The following GRAMD4 variants were observed in gnomAD, a reference collection of about 807,000 sequenced individuals.
GRAMD4 encodes GRAM domain containing 4.
In GRAMD4, 25 loss-of-function variants were observed where a neutral mutation model predicts 83.9. The observed-to-expected ratio is 0.30, with a 90% CI of 0.22 to 0.42. The LOEUF (loss-of-function observed/expected upper bound fraction) is 0.42. Among genes scored for constraint, GRAMD4 ranks in the 10% least tolerant of loss-of-function variants. The probability of loss-of-function intolerance (pLI) is 1.00; values close to 1 mark genes in which losing one functional copy is unlikely to be tolerated. For missense variants in GRAMD4, 593 were observed against 788.7 expected, an observed-to-expected ratio of 0.75 and a Z score of 2.97; for synonymous variants, 336 against 320.9, an observed-to-expected ratio of 1.05 and a Z score of -0.50.
chr22:46,669,456 C>G (rs1296469117), intron 13 of GRAMD4, among the ~76,000 whole-genome samples: 1 of 152,160 alleles, frequency 6.6e-6, no homozygotes, highest in Non-Finnish European at 1.5e-5. Flanking sequence ...CCCCCTCACC[C>G]CAGGAGGCGC....
intron 2 of GRAMD4, among the ~76,000 whole-genome samples, chr22:46,633,050 G>A (rs2081799951): frequency 6.6e-6 from 1 of 152,224 alleles, no homozygotes; most frequent in Admixed American, 6.5e-5. Flanking sequence ...GGCAGAGGCA[G>A]ATGGGAGCCT....
chr22:46,594,317 C>T (rs1317512744), intron 1 of GRAMD4, among the ~76,000 whole-genome samples: 1 of 150,472 alleles, frequency 6.6e-6, no homozygotes, highest in Admixed American at 6.6e-5. Context: ...CCCCTCCTCC[C>T]TGCCCCTGTT....
intron 1 of GRAMD4, among the ~76,000 whole-genome samples, chr22:46,591,325 C>T (rs917008945): frequency 5.9e-5 from 9 of 151,800 alleles, no homozygotes; most frequent in Non-Finnish European, 1.2e-4. Context: ...TGAGAACGGC[C>T]TGGGCAACAT....
Position 46,679,696 on chromosome 22 carries a change from A to G in GRAMD4, c.*2445A>G. On this transcript the variant is annotated 3_prime_UTR_variant, in exon 19 of 19. Transcript: ENST00000406902. ...CCGATGAAAAAAATTCTCCTGTAAC[A>G]TTTTTTTAAGAAAACTTTGTTTGTT... 3 of 977,990 alleles carry G rather than the reference A, an allele frequency of 3.1e-6. No homozygotes were observed. The highest frequency in any genetic ancestry group is 3.6e-6 in the Non-Finnish European group (3 of 822,932). The allele number at this position is 977,990 out of a possible 1,614,324, so 60.6% of individuals were successfully genotyped here.
rs776966965 is a variant in GRAMD4 at position 46,668,712 on chromosome 22, C to T, written c.954C>T (p.Asp318=). 7.4e-6 allele frequency: 12 copies of T among 1,612,636 alleles called. No individual in the cohort carries two copies. The South Asian group carries it at 1.3e-4, about 18-fold the overall frequency. The change falls in exon 12 of 19, where the codon GAC becomes GAT. Residue 318 remains aspartate (D), a synonymous_variant. Transcript: ENST00000406902. Reference sequence around the variant, plus strand: ...AGAACCTTTTCGGGAAGATGGCTGACATCCTGGAGAAGATCAAGAAGTAAG... The same window carrying T: ...AGAACCTTTTCGGGAAGATGGCTGATATCCTGGAGAAGATCAAGAAGTAAG... ...KAQNLFGKMA[D]ILEKIKNLFM... is the part of the protein sequence containing the mutation.
intron 1 of GRAMD4, among the ~76,000 whole-genome samples, chr22:46,582,760 C>A (rs551295522): frequency 6.6e-6 from 1 of 152,186 alleles, no homozygotes; most frequent in African/African-American, 2.4e-5. Flanking sequence ...GTAATTCACA[C>A]ATCATACAAC....
At chr22:46,624,920 G>C (rs1044485204) in intron 1 of GRAMD4, among the ~76,000 whole-genome samples, 5 of 150,406 alleles carry the variant, frequency 3.3e-5, no homozygotes, top group Non-Finnish European at 7.4e-5. Flanking sequence ...GAGTGCAGTG[G>C]CGGGATCTCA....
chr22:46,603,515 C>CTTTTTTTTTTTTTTT (rs71192425), intron 1 of GRAMD4, among the ~76,000 whole-genome samples: 1 of 81,590 alleles, frequency 1.2e-5, no homozygotes, highest in African/African-American at 4.4e-5. Context: ...GGCCTCTTCT[C>CTTTTTTTTTTTTTTT]TTTTTTTTTT....
rs568417599 is a variant in GRAMD4 at position 46,625,461 on chromosome 22, C to T, written c.-49-1290C>T. Among the ~76,000 whole-genome samples the T allele has an allele frequency of 3.9e-5, 6 of 152,382 alleles. No individual in the cohort carries two copies. The South Asian group carries it at 8.3e-4, about 21-fold the overall frequency. ...GCAGGAAGTTTGGGAAATACCCCCG[C>T]CAGGGATCACTCCCCGCCCCATCTC... On this transcript the variant is annotated intron_variant, in intron 1 of 18. Coordinates refer to ENST00000406902, the MANE Select transcript of GRAMD4 (RefSeq NM_015124.5).
upstream of GRAMD4, among the ~76,000 whole-genome samples, chr22:46,618,215 C>A (rs1468949032): frequency 6.6e-6 from 1 of 152,164 alleles, no homozygotes; most frequent in Non-Finnish European, 1.5e-5. This position sits in a 1 kb window ranked among gnomAD's most constrained non-coding sequence, Gnocchi z 5.8. Context: ...TCGAGTCCAC[C>A]TGAGCATCAC....
chr22:46,590,416 G>A (rs1190888000), intron 1 of GRAMD4, among the ~76,000 whole-genome samples: 2 of 152,212 alleles, frequency 1.3e-5, no homozygotes, highest in Non-Finnish European at 2.9e-5. Context: ...GCCGGGGATG[G>A]GTGAGCGCTC....
In GRAMD4 at chr22:46,587,953, A is replaced by G. The variant is rs572651014; in HGVS notation, c.-50+10663A>G. The stretch of plus-strand genomic sequence containing the variant: ...ACGCACTCACATCACAGGTTGGCAA[A>G]AGGCCTGAGGGTCCAGGGGGCCAGG... On this transcript the variant is annotated intron_variant, in intron 1 of 1. Coordinates refer to the GRAMD4 transcript ENST00000431155. 7 of 985,304 alleles carry G rather than the reference A, an allele frequency of 7.1e-6. No individual in the cohort carries two copies. The South Asian group carries it at 3.3e-4, about 46-fold the overall frequency. The allele number at this position is 985,304 out of a possible 1,614,324, so 61.0% of individuals were successfully genotyped here. A position where few individuals can be genotyped will look rare whatever the true frequency, so the allele number is the denominator to read the frequency against.
chr22:46,644,567 G>A lies in GRAMD4; in HGVS notation c.283+6607G>A, dbSNP rs557422069. On this transcript the variant is annotated intron_variant, in intron 3 of 18. Coordinates refer to ENST00000406902, the MANE Select transcript of GRAMD4 (RefSeq NM_015124.5). The stretch of plus-strand genomic sequence containing the variant: ...TCTGTGTTACACCTGCCCCTGTTCC[G>A]TGTTACACCTCTCCCTGTCCCGGGT... 4.6e-5 allele frequency among the ~76,000 whole-genome samples: 7 copies of A among 151,658 alleles called. No homozygotes were observed. The South Asian group carries it at 6.3e-4, about 14-fold the overall frequency.
intron 3 of GRAMD4, among the ~76,000 whole-genome samples, chr22:46,639,455 G>GT (rs764732627): frequency 1.8e-4 from 27 of 151,206 alleles, no homozygotes; most frequent in Non-Finnish European, 3.5e-4. Context: ...TGCAGCAGTA[G>GT]TTAACCCTGT....
At chr22:46,605,038 C>T (rs2147067650) in intron 1 of GRAMD4, among the ~76,000 whole-genome samples, 1 of 117,232 alleles carries the variant, frequency 8.5e-6, no homozygotes, top group African/African-American at 3.7e-5. Flanking sequence ...ATAATGTTCT[C>T]CGGGTTCACC....
At chr22:46,658,797 G>C (rs1040222610) in intron 4 of GRAMD4, among the ~76,000 whole-genome samples, 2 of 148,690 alleles carry the variant, frequency 1.3e-5, no homozygotes, top group African/African-American at 5.1e-5. Context: ...CAGCCACGCT[G>C]TGGCCCCCGC....
chr22:46,666,746 G>C (rs149457576), intron 9 of GRAMD4, 79 bp from the exon 10 acceptor site: 1 of 1,210,950 alleles, frequency 8.3e-7, no homozygotes, highest in Non-Finnish European at 1.2e-6. Flanking sequence ...CCAGCTGGGC[G>C]TGCAGGGCCA....
At chr22:46,620,358 G>A (rs368788523), upstream of GRAMD4, 126 of 985,516 alleles carry the variant, frequency 1.3e-4, 2 homozygotes, top group East Asian at 1.7e-3. The surrounding 1 kb of genome is among the most constrained non-coding windows in gnomAD (Gnocchi z 4.7). Flanking sequence ...CTGGACAGCC[G>A]TGGTGAGCCC....
chr22:46,675,341 C>T, intron 16 of GRAMD4, 127 bp from the exon 17 acceptor site: 1 of 722,216 alleles, frequency 1.4e-6, no homozygotes, highest in Non-Finnish European at 2.5e-6. Flanking sequence ...GGTTCTGTGT[C>T]TGCTGGGAAG....
Sources: allele counts gnomAD v4.1 joint callset (sites outside exome capture counted in the v4.1 genomes callset), GRCh38; gene constraint gnomAD v4.1.1; non-coding constraint Gnocchi (gnomAD v3.1); transcripts MANE v1.5; gene names NCBI Gene and HGNC (gene_info 2026-07-23, HGNC 2026-07-21).